Variants in PDE3A observed in about 807,000 individuals in gnomAD.
PDE3A encodes the protein phosphodiesterase 3A, also known as cGMP-inhibited 3',5'-cyclic phosphodiesterase 3A.
In PDE3A, 43 loss-of-function variants were observed where a neutral mutation model predicts 98.3. That is an observed-to-expected ratio of 0.44 (90% CI 0.34 to 0.56). The LOEUF (loss-of-function observed/expected upper bound fraction) is 0.56. Ranked by LOEUF, PDE3A falls within the 20% of genes least tolerant of loss-of-function variation. The pLI is 0.01. For missense variants in PDE3A, 1,427 were observed against 1,440.7 expected (o/e 0.99, Z 0.15); for synonymous variants, 663 against 567.9 (o/e 1.17, Z -2.38).
chr12:20,683,871 G>C lies in PDE3A; in HGVS notation c.*3600G>C, dbSNP rs972043027. 8 of 152,180 alleles carry C rather than the reference G, an allele frequency of 5.3e-5. No homozygotes were observed. The South Asian group carries it at 1.7e-3, about 32-fold the overall frequency. The allele number at this position is 152,180 out of a possible 1,614,324, so 9.4% of individuals were successfully genotyped here. A position where few individuals can be genotyped will look rare whatever the true frequency, so the allele number is the denominator to read the frequency against. On this transcript the variant is annotated 3_prime_UTR_variant, in exon 16 of 16. Transcript: ENST00000359062. Reference sequence around the variant, plus strand: ...CAATCCCAGTAAAACGAAAGAAAAGGAATATCTTACAGACTGTTCATATTA... The same window carrying C: ...CAATCCCAGTAAAACGAAAGAAAAGCAATATCTTACAGACTGTTCATATTA...
At chr12:20,565,578 G>A (rs1038725473) in intron 2 of PDE3A, among the ~76,000 whole-genome samples, 1 of 151,934 alleles carries the variant, frequency 6.6e-6, no homozygotes, top group Non-Finnish European at 1.5e-5. Flanking sequence ...GATATAGGGT[G>A]GAGGAGGTTA....
chr12:20,674,901 T>G (rs1361020825), intron 15 of PDE3A, among the ~76,000 whole-genome samples: 1 of 152,070 alleles, frequency 6.6e-6, no homozygotes, highest in East Asian at 1.9e-4. Context: ...CAACTTTTGT[T>G]TCCTTGACAC....
chr12:20,582,411 C>T (rs1416877870), intron 2 of PDE3A, among the ~76,000 whole-genome samples: 1 of 151,994 alleles, frequency 6.6e-6, no homozygotes, highest in East Asian at 1.9e-4. Context: ...TCAGGCTGGC[C>T]TCGAACTCCT....
intron 2 of PDE3A, among the ~76,000 whole-genome samples, chr12:20,586,915 T>C (rs1943210900): frequency 3.3e-5 from 1 of 30,654 alleles, no homozygotes; most frequent in Non-Finnish European, 7.6e-5. Flanking sequence ...AGATATGTAT[T>C]TTTTTTACCT....
chr12:20,636,208 G>A (rs1944510247), intron 8 of PDE3A, among the ~76,000 whole-genome samples: 6 of 152,072 alleles, frequency 3.9e-5, no homozygotes, highest in Admixed American at 6.5e-5. Context: ...TACTTACTTT[G>A]TGTATTTAAA....
At chr12:20,524,001 G>C (rs1946473952) in intron 1 of PDE3A, among the ~76,000 whole-genome samples, 1 of 152,138 alleles carries the variant, frequency 6.6e-6, no homozygotes, top group South Asian at 2.1e-4. Flanking sequence ...AGGGAGGAAT[G>C]GTTAAATGAC....
At chr12:20,618,227 C>G (rs1340496501) in intron 4 of PDE3A, among the ~76,000 whole-genome samples, 1 of 152,102 alleles carries the variant, frequency 6.6e-6, no homozygotes, top group Non-Finnish European at 1.5e-5. Flanking sequence ...TAAGGGAAAA[C>G]TATTTATAAG....
At chr12:20,467,091 T>C (rs1427532814) in intron 1 of PDE3A, among the ~76,000 whole-genome samples, 1 of 152,134 alleles carries the variant, frequency 6.6e-6, no homozygotes, top group African/African-American at 2.4e-5. Context: ...GAATTACTTA[T>C]ATGTTAGTTT....
intron 2 of PDE3A, among the ~76,000 whole-genome samples, chr12:20,599,514 G>C (rs1198601375): frequency 6.6e-6 from 1 of 152,130 alleles, no homozygotes; most frequent in Non-Finnish European, 1.5e-5. Context: ...AATTCACGGT[G>C]TAATTCACAG....
rs1360156254 is a variant in PDE3A, at chr12:20,648,711, A to G, written c.2589A>G (p.Ser863=). The part of the protein sequence containing the change: ...APQAVLYNDR[S]VLENHHAAAA... ...AGGCGGTGCTATATAACGATCGTTCAGTTTTGGAGAATCATCACGCAGCTG... is the reference window on the plus strand; with the variant it reads ...AGGCGGTGCTATATAACGATCGTTCGGTTTTGGAGAATCATCACGCAGCTG... Residue 863 remains serine, a synonymous_variant, in exon 13 of 16, where the codon TCA becomes TCG. Transcript: ENST00000359062. 30 of 1,612,146 alleles carry G rather than the reference A, an allele frequency of 1.9e-5. No homozygotes were observed. Among genetic ancestry groups the G allele is most frequent in the African/African-American group, 2.7e-5 (2 of 74,848 alleles).
At position 20,369,490 on chromosome 12, in the gene PDE3A, C is replaced by A. The variant is rs966971206; in HGVS notation, c.206C>A (p.Ser69Tyr). The A allele has an allele frequency of 1.3e-5, 20 of 1,557,608 alleles. No homozygotes were observed. In the Admixed American group the frequency reaches 3.6e-4, roughly 28 times the overall value. The change falls in exon 1 of 16, where the codon TCC becomes TAC. Residue 69 changes from serine to tyrosine, a missense_variant. Around this residue, in one of 3 missense-constraint regions of PDE3A, gnomAD observed 1,012 missense variants for 886.5 expected, o/e 1.14. Coordinates refer to ENST00000359062, the MANE Select transcript of PDE3A (RefSeq NM_000921.5). Reference sequence around the variant, plus strand: ...CTTTCCTCCGCGCTGTGCGCGGGCTCCCTGTCCTTTCTGCTGGCGCTGCTG... The same window carrying A: ...CTTTCCTCCGCGCTGTGCGCGGGCTACCTGTCCTTTCTGCTGGCGCTGCTG... ...RKLSSALCAG[S>Y]LSFLLALLVR...
chr12:20,645,964 C>CTT (rs1217961336), intron 10 of PDE3A, among the ~76,000 whole-genome samples: 1 of 152,032 alleles, frequency 6.6e-6, no homozygotes, highest in African/African-American at 2.4e-5. Flanking sequence ...TTGAATTTTG[C>CTT]TTGTGGATGA....
Position 20,638,803 on chromosome 12 carries a change from AT to A in PDE3A, c.2140-1042del, listed in dbSNP as rs1944578575. 2.0e-5 allele frequency among the ~76,000 whole-genome samples: 3 copies of A among 151,834 alleles called. No homozygotes were observed. The South Asian group carries it at 6.2e-4, about 32-fold the overall frequency. On this transcript the variant is annotated intron_variant, in intron 9 of 15. Coordinates refer to ENST00000359062, the MANE Select transcript of PDE3A (RefSeq NM_000921.5). ...CACATCTCATCTCATTTTATATTTG[AT>A]GTATATCTCACAGACTCTCGAAAAC...
intron 1 of PDE3A, among the ~76,000 whole-genome samples, chr12:20,515,696 T>G (rs1946306470): frequency 6.9e-6 from 1 of 145,900 alleles, no homozygotes; most frequent in Non-Finnish European, 1.5e-5. Flanking sequence ...AATCTCACAC[T>G]GTATTATTTA....
chr12:20,402,452 A>C (rs1001069706), intron 1 of PDE3A, among the ~76,000 whole-genome samples: 1 of 152,032 alleles, frequency 6.6e-6, no homozygotes, highest in Non-Finnish European at 1.5e-5. Flanking sequence ...CCTGGCCTGG[A>C]TCCTGGATTT....
intron 1 of PDE3A, chr12:20,551,844 C>T (rs1942211704): frequency 2.5e-6 from 4 of 1,613,774 alleles, no homozygotes; most frequent in African/African-American, 2.7e-5. Flanking sequence ...CCTGTGTGGG[C>T]CGCACCAAGG....
chr12:20,446,161 G>A (rs1327930443), intron 1 of PDE3A, among the ~76,000 whole-genome samples: 1 of 152,146 alleles, frequency 6.6e-6, no homozygotes, highest in African/African-American at 2.4e-5. Flanking sequence ...AGGAATTTGT[G>A]TTTTGTGAGA....
intron 1 of PDE3A, among the ~76,000 whole-genome samples, chr12:20,511,497 G>GAGT (rs1203905630): frequency 6.6e-6 from 1 of 151,836 alleles, no homozygotes; most frequent in Non-Finnish European, 1.5e-5. Context: ...CCAACTGAAA[G>GAGT]AGTTCCCAAT....
chr12:20,605,724 A>G (rs1344822165), intron 2 of PDE3A, among the ~76,000 whole-genome samples: 1 of 152,188 alleles, frequency 6.6e-6, no homozygotes, highest in Non-Finnish European at 1.5e-5. Flanking sequence ...AATTTGAAGT[A>G]TATAGCATTT....
Sources: gnomAD v4.1 joint callset for allele counts (sites outside exome capture counted in the v4.1 genomes callset) on GRCh38, gnomAD v4.1.1 for gene constraint, gnomAD v4.1.1 regional missense constraint, MANE v1.5 for transcripts, NCBI Gene and HGNC (gene_info 2026-07-23, HGNC 2026-07-21) for gene names.